The following VPS41 variants were observed in gnomAD, a reference collection of about 807,000 sequenced individuals.
The protein encoded by VPS41 is vacuolar protein sorting-associated protein 41 homolog.
In VPS41, 85 loss-of-function variants were observed where a neutral mutation model predicts 130.9. The ratio of observed to expected loss-of-function variants is 0.65; its 90% confidence interval spans 0.55 to 0.78. The LOEUF (loss-of-function observed/expected upper bound fraction) is 0.78. Among genes scored for constraint, VPS41 ranks in the 30% least tolerant of loss-of-function variants. VPS41 has a pLI of 0.00. For missense variants in VPS41, 874 were observed against 1,018.7 expected (o/e 0.86, Z 1.93); for synonymous variants, 335 against 332.9 (o/e 1.01, Z -0.07).
intron 10 of VPS41, among the ~76,000 whole-genome samples, chr7:38,787,363 G>C (rs1784457535): frequency 6.6e-6 from 1 of 152,082 alleles, no homozygotes; most frequent in South Asian, 2.1e-4. Flanking sequence ...AGTCCTGTGA[G>C]AATACAAGAG....
At position 38,856,266 on chromosome 7, in the gene VPS41, C is replaced by A. The variant is rs377294187; in HGVS notation, c.246+6279G>T. ...CTAGAACTCCTGGGCTCAAGTGACC[C>A]TCCTGTCGTAGCCTCCTGAGTTTAC... On this transcript the variant is annotated intron_variant, in intron 4 of 28. Transcript: ENST00000310301. 1.1e-4 allele frequency among the ~76,000 whole-genome samples: 16 copies of A among 152,276 alleles called. No individual in the cohort carries two copies. In the South Asian group the frequency reaches 3.3e-3, roughly 32 times the overall value.
At position 38,862,600 on chromosome 7, in the gene VPS41, T is replaced by C. The variant is rs1786141285; in HGVS notation, c.191A>G (p.Tyr64Cys). Residue 64 changes from tyrosine (Y) to cysteine (C), a missense_variant, in exon 4 of 29, where the codon TAT (tyrosine) becomes TGT (cysteine). Tyr to Cys is a radical substitution (Grantham distance 194). Transcript: ENST00000310301. ...HDKFLALGTH[Y>C]GKVYLLDVQG... The stretch of plus-strand genomic sequence containing the variant: ...GACATCAAGTAAATAAACCTTGCCA[T>C]AATGTGTGCCCAATGCCAAAAACTG... 1.2e-6 allele frequency: 2 copies of C among 1,610,244 alleles called. No individual in the cohort carries two copies. Among genetic ancestry groups the C allele is most frequent in the South Asian group, 2.2e-5 (2 of 90,388 alleles).
intron 7 of VPS41, among the ~76,000 whole-genome samples, chr7:38,813,000 GT>G (rs1784974773): frequency 1.3e-5 from 2 of 152,100 alleles, no homozygotes; most frequent in African/African-American, 4.8e-5. Context: ...CCAACATAGA[GT>G]TACTATATGA....
intron 22 of VPS41, among the ~76,000 whole-genome samples, chr7:38,748,161 A>G (rs960711980): frequency 1.3e-5 from 2 of 152,246 alleles, no homozygotes; most frequent in African/African-American, 4.8e-5. Context: ...TGCTCCCTCT[A>G]GAGGAAACAG....
rs758957767 is a variant in VPS41 at position 38,742,004 on chromosome 7, A to C, written c.2240T>G (p.Leu747Arg). 3.1e-6 allele frequency: 5 copies of C among 1,613,030 alleles called. No homozygotes were observed. The highest frequency in any genetic ancestry group is 4.2e-6 in the Non-Finnish European group (5 of 1,179,616). The change falls in exon 25 of 29, where the codon CTG (leucine) becomes CGG (arginine). Residue 747 changes from leucine to arginine, a missense_variant. Physicochemically the swap from Leu to Arg is moderately radical, Grantham distance 102 (BLOSUM62 -2). Coordinates refer to ENST00000310301, the MANE Select transcript of VPS41 (RefSeq NM_014396.4). ...PNLRDSLVKI[L>R]QDYNLQILLR... ...ACTTACTTGCAAATTGTAGTCTTGC[A>C]GAATTTTAACCAAGGAATCTCTCAA...
intron 7 of VPS41, among the ~76,000 whole-genome samples, chr7:38,803,379 A>C (rs1784772747): frequency 6.6e-6 from 1 of 152,216 alleles, no homozygotes; most frequent in Non-Finnish European, 1.5e-5. Flanking sequence ...GCTAGCTTTG[A>C]GGCAGACAAG....
At chr7:38,742,716 T>C (rs575559657) in intron 24 of VPS41, among the ~76,000 whole-genome samples, 34 of 151,852 alleles carry the variant, frequency 2.2e-4, no homozygotes, top group African/African-American at 8.0e-4. Context: ...TAAAGTCAAT[T>C]TCAGATTAAG....
Position 38,728,765 on chromosome 7 carries a change from C to T in VPS41, c.2286G>A (p.Lys762=). The T allele has an allele frequency of 6.2e-7, 1 of 1,614,178 alleles. No individual in the cohort carries two copies. Among genetic ancestry groups the T allele is most frequent in the Non-Finnish European group, 8.5e-7 (1 of 1,180,034 alleles). ...AGGACAAAGAGTCAGCTACGAGAAT[C>T]TTCTTGCAGCCTTCACGAAGCAGAA... The part of the protein sequence containing the change: ...LQILLREGCK[K]ILVADSLSLL... Residue 762 remains lysine, a synonymous_variant, in exon 26 of 29, where the codon AAG becomes AAA. Transcript: ENST00000310301.
chr7:38,728,372 T>C, intron 27 of VPS41, 170 bp downstream of exon 27: 2 of 791,838 alleles, frequency 2.5e-6, no homozygotes, highest in Non-Finnish European at 4.3e-6. Context: ...CTCTAAGCAA[T>C]GGCAGCACCA....
intron 7 of VPS41, among the ~76,000 whole-genome samples, chr7:38,805,637 T>C (rs895629940): frequency 2.6e-5 from 4 of 151,658 alleles, no homozygotes; most frequent in Non-Finnish European, 4.4e-5. Flanking sequence ...ATTTCAAGCA[T>C]TATAATCCAC....
intron 6 of VPS41, among the ~76,000 whole-genome samples, chr7:38,818,267 A>G (rs1210518194): frequency 6.6e-6 from 1 of 151,896 alleles, no homozygotes. Context: ...AAAAAACAGA[A>G]AGAAGCCAAC....
intron 25 of VPS41, among the ~76,000 whole-genome samples, chr7:38,730,215 CGACTT>C (rs1262513152): frequency 6.6e-6 from 1 of 152,156 alleles, no homozygotes; most frequent in Non-Finnish European, 1.5e-5. Context: ...AAGTCACTCT[CGACTT>C]GACAAGCTAG....
intron 1 of VPS41, among the ~76,000 whole-genome samples, chr7:38,900,117 G>A (rs768566749): frequency 2.0e-5 from 3 of 152,216 alleles, no homozygotes; most frequent in Non-Finnish European, 4.4e-5. Context: ...TAGGTGTGGT[G>A]GCATGCACCT....
chr7:38,827,505 T>C (rs1785303190), intron 5 of VPS41, among the ~76,000 whole-genome samples: 1 of 152,126 alleles, frequency 6.6e-6, no homozygotes, highest in Non-Finnish European at 1.5e-5. Flanking sequence ...CAGACTGCAA[T>C]GGATTAAAAA....
intron 16 of VPS41, among the ~76,000 whole-genome samples, chr7:38,764,850 C>T (rs995330069): frequency 6.6e-6 from 1 of 151,000 alleles, no homozygotes; most frequent in Non-Finnish European, 1.5e-5. Context: ...ACATGATATT[C>T]AAAAAAAAGG....
chr7:38,775,283 A>G (rs1288227856), intron 11 of VPS41: 1 of 152,200 alleles, frequency 6.6e-6, no homozygotes, highest in East Asian at 1.9e-4. Context: ...ATCTACATAC[A>G]CTGGCATAAA....
At chr7:38,783,325 A>G (rs1461925052) in intron 10 of VPS41, among the ~76,000 whole-genome samples, 1 of 152,024 alleles carries the variant, frequency 6.6e-6, no homozygotes, top group Non-Finnish European at 1.5e-5. Flanking sequence ...TCACAAGGTC[A>G]GGAGCTCAAG....
At chr7:38,860,446 G>C (rs1344841575) in intron 4 of VPS41, among the ~76,000 whole-genome samples, 2 of 151,484 alleles carry the variant, frequency 1.3e-5, no homozygotes, top group African/African-American at 4.8e-5. Context: ...CTCCCTCCCA[G>C]GTCAAACCAT....
intron 5 of VPS41, 55 bp downstream of exon 5, chr7:38,830,199 G>C: frequency 8.8e-7 from 1 of 1,130,322 alleles, no homozygotes. Flanking sequence ...GTGCTGTTCC[G>C]ATCACCTGGG....
Sources: gnomAD v4.1 joint callset for allele counts (sites outside exome capture counted in the v4.1 genomes callset) on GRCh38, gnomAD v4.1.1 for gene constraint, MANE v1.5 for transcripts, NCBI Gene and HGNC (gene_info 2026-07-23, HGNC 2026-07-21) for gene names.